Variants in PI4KB observed in about 807,000 individuals in gnomAD.
The protein encoded by PI4KB is PtdIns 4-kinase beta.
PI4KB carries 23 observed loss-of-function variants against 81.4 expected under a neutral mutation model. The ratio of observed to expected loss-of-function variants is 0.28; its 90% CI spans 0.20 to 0.40. The LOEUF is 0.40. PI4KB is among the 10% of genes least tolerant of loss of function. The probability of loss-of-function intolerance (pLI) is 1.00; values close to 1 mark genes in which losing one functional copy is unlikely to be tolerated. For synonymous variants in PI4KB, 381 were observed against 406.8 expected (o/e 0.94, Z 0.76); for missense variants, 651 against 1,036.6 (o/e 0.63, Z 5.11).
rs771956479 is a variant in PI4KB at position 151,299,017 on chromosome 1, C to T, written c.1806G>A (p.Val602=). The part of the protein sequence containing the change: ...PLWIKPYKIL[V]ISADSGMIEP... ...CAATCATGCCACTATCAGCCGAAAT[C>T]ACAAGAATCTTGTATGGCTTGATCC... Residue 602 remains valine, a synonymous_variant, in exon 9 of 12, where the codon GTG becomes GTA. Coordinates refer to ENST00000368873, the MANE Select transcript of PI4KB (RefSeq NM_001369623.2). 9.3e-6 allele frequency: 15 copies of T among 1,614,116 alleles called. No individual in the cohort carries two copies. The highest frequency in any genetic ancestry group is 1.2e-5 in the Non-Finnish European group (14 of 1,179,978).
chr1:151,299,824 G>C (rs1695110761), intron 8 of PI4KB, among the ~76,000 whole-genome samples: 1 of 152,154 alleles, frequency 6.6e-6, no homozygotes. Flanking sequence ...GGTATCAGAA[G>C]ATCAATATTT....
At chr1:151,312,836 C>T (rs142684767) in intron 2 of PI4KB, among the ~76,000 whole-genome samples, 78 of 152,204 alleles carry the variant, frequency 5.1e-4, no homozygotes, top group African/African-American at 1.8e-3. Flanking sequence ...CAATAGAGCA[C>T]GACCTCATCT....
chr1:151,306,115 A>C, intron 5 of PI4KB, 21 bp downstream of exon 5: 2 of 1,580,904 alleles, frequency 1.3e-6, no homozygotes, highest in Non-Finnish European at 1.7e-6. Flanking sequence ...ACCCAGCATT[A>C]CCTCCCTGAA....
At chr1:151,293,561 G>A (rs764355951) in intron 11 of PI4KB, 6 of 413,398 alleles carry the variant, frequency 1.5e-5, no homozygotes, top group Non-Finnish European at 2.5e-5. Context: ...ACAGAAGGGG[G>A]TCCTGGGCAA....
chr1:151,318,405 G>A (rs1648313216), intron 1 of PI4KB, among the ~76,000 whole-genome samples: 2 of 108,618 alleles, frequency 1.8e-5, no homozygotes, highest in African/African-American at 3.7e-5. Context: ...GACAGAGTGA[G>A]ACTCTGTCTC....
chr1:151,307,254 A>G (rs745754082), intron 4 of PI4KB, among the ~76,000 whole-genome samples: 12 of 152,166 alleles, frequency 7.9e-5, no homozygotes, highest in Non-Finnish European at 1.6e-4. Context: ...GGAAAGCCCA[A>G]GAGTTATAGA....
chr1:151,309,084 A>G (rs778437541), intron 3 of PI4KB, among the ~76,000 whole-genome samples: 58 of 152,196 alleles, frequency 3.8e-4, no homozygotes, highest in Non-Finnish European at 4.6e-4. Flanking sequence ...TTTAAGTGAC[A>G]TTGTTGAAAA....
intron 11 of PI4KB, 40 bp downstream of exon 11, chr1:151,293,978 G>C (rs771268601): frequency 1.2e-6 from 2 of 1,611,980 alleles, no homozygotes; most frequent in South Asian, 2.2e-5. Context: ...TAAAGGGGAA[G>C]CCTGAGGCAC....
intron 10 of PI4KB, 63 bp downstream of exon 10, chr1:151,294,346 C>T (rs1694609914): frequency 6.3e-7 from 1 of 1,582,546 alleles, no homozygotes; most frequent in Admixed American, 1.7e-5. Context: ...CCATCAGCTC[C>T]CTCTCCCATG....
At chr1:151,326,361 G>A (rs563455038) in intron 1 of PI4KB, 1 of 589,988 alleles carries the variant, frequency 1.7e-6, no homozygotes, top group East Asian at 3.0e-5. Flanking sequence ...CTTAGTTCAA[G>A]GTTTAGTTGA....
chr1:151,323,322 T>A (rs1234809062), intron 1 of PI4KB, among the ~76,000 whole-genome samples: 1 of 152,040 alleles, frequency 6.6e-6, no homozygotes, highest in African/African-American at 2.4e-5. Context: ...CTGGCCAACA[T>A]GGTGAAACCC....
At position 151,292,645 on chromosome 1, in the gene PI4KB, G is replaced by GC; in HGVS notation, c.*206dup. ...GACACAGACCAGGAGGGGCAGGGAAGCCCCAACAAGTCTGGACCCCACAGC... is the reference window on the plus strand; with the variant it reads ...GACACAGACCAGGAGGGGCAGGGAAGCCCCCAACAAGTCTGGACCCCACAGC... On this transcript the variant is annotated 3_prime_UTR_variant, in exon 12 of 12. Coordinates refer to ENST00000368873, the MANE Select transcript of PI4KB (RefSeq NM_001369623.2). 1 of 582,682 alleles carries GC rather than the reference G, an allele frequency of 1.7e-6. No individual in the cohort carries two copies. The highest frequency in any genetic ancestry group is 3.1e-6 in the Non-Finnish European group (1 of 327,600). The allele number at this position is 582,682 out of a possible 1,614,324, so 36.1% of individuals were successfully genotyped here.
At chr1:151,315,268 C>T (rs759523633) in intron 2 of PI4KB, among the ~76,000 whole-genome samples, 3 of 152,146 alleles carry the variant, frequency 2.0e-5, no homozygotes, top group African/African-American at 4.8e-5. Flanking sequence ...TGAGCCACCG[C>T]GCCTGGCCAG....
At chr1:151,293,378 C>T in intron 11 of PI4KB, 5 of 1,317,638 alleles carry the variant, frequency 3.8e-6, no homozygotes, top group Non-Finnish European at 5.0e-6. Flanking sequence ...AGACCTCTGC[C>T]TATGCTACGT....
rs911301349 is a variant in PI4KB at position 151,292,655 on chromosome 1, G to A, written c.*197C>T. 1.5e-5 allele frequency: 9 copies of A among 597,950 alleles called. No individual in the cohort carries two copies. The African/African-American group carries it at 1.7e-4, about 11-fold the overall frequency. The allele number at this position is 597,950 out of a possible 1,614,324, so 37.0% of individuals were successfully genotyped here. Reference sequence around the variant, plus strand: ...AGGAGGGGCAGGGAAGCCCCAACAAGTCTGGACCCCACAGCTGGCTCTCCC... The same window carrying A: ...AGGAGGGGCAGGGAAGCCCCAACAAATCTGGACCCCACAGCTGGCTCTCCC... On this transcript the variant is annotated 3_prime_UTR_variant, in exon 12 of 12. Transcript: ENST00000368873.
chr1:151,296,685 G>A (rs1447495351), intron 9 of PI4KB, among the ~76,000 whole-genome samples: 1 of 151,666 alleles, frequency 6.6e-6, no homozygotes, highest in Non-Finnish European at 1.5e-5. Flanking sequence ...GGTCATGCTG[G>A]TCTCAAACTC....
At chr1:151,302,096 A>C in intron 7 of PI4KB, 98 bp downstream of exon 7, 1 of 1,564,028 alleles carries the variant, frequency 6.4e-7, no homozygotes, top group South Asian at 1.1e-5. Context: ...AGCCTGACAG[A>C]TTTTTTTGGA....
At chr1:151,293,396 TCA>T (rs1182481629) in intron 11 of PI4KB, 11 of 1,296,416 alleles carry the variant, frequency 8.5e-6, no homozygotes, top group Non-Finnish European at 1.1e-5. Context: ...CGTCTGACAC[TCA>T]CAGATGACCT....
intron 11 of PI4KB, chr1:151,293,467 G>T (rs1231163753): frequency 2.5e-6 from 3 of 1,220,576 alleles, no homozygotes; most frequent in Non-Finnish European, 3.2e-6. Flanking sequence ...GACAACCTGT[G>T]GGGTAGGGGC....
Sources: gnomAD v4.1 joint callset for allele counts (sites outside exome capture counted in the v4.1 genomes callset) on GRCh38, gnomAD v4.1.1 for gene constraint, MANE v1.5 for transcripts, NCBI Gene and HGNC (gene_info 2026-07-23, HGNC 2026-07-21) for gene names.